Variants in CCDC83 observed in about 807,000 individuals in gnomAD.
The protein encoded by CCDC83 is coiled-coil domain containing 83.
In CCDC83, 54 loss-of-function variants were observed where a neutral mutation model predicts 50.1. The observed-to-expected ratio is 1.08, with a 90% CI of 0.87 to 1.35. CCDC83 has a LOEUF of 1.35. CCDC83 is among the 40% of genes most tolerant of loss of function. CCDC83 has a pLI of 0.00. For synonymous variants in CCDC83, 161 were observed against 153.3 expected (o/e 1.05, Z -0.37); for missense variants, 518 against 473.9 (o/e 1.09, Z -0.86).
chr11:85,875,797 A>T (rs565908864), intron 3 of CCDC83, among the ~76,000 whole-genome samples: 1 of 152,078 alleles, frequency 6.6e-6, no homozygotes, highest in African/African-American at 2.4e-5. Context: ...CCTACACATC[A>T]TCTCTTCCTA....
intron 6 of CCDC83, among the ~76,000 whole-genome samples, chr11:85,897,666 C>T (rs972938641): frequency 6.6e-6 from 1 of 152,168 alleles, no homozygotes; most frequent in Admixed American, 6.5e-5. Context: ...TTAGTGAATC[C>T]AGCCATTAGC....
chr11:85,897,124 G>A (rs751305733), intron 6 of CCDC83, among the ~76,000 whole-genome samples: 2 of 152,154 alleles, frequency 1.3e-5, no homozygotes, highest in South Asian at 2.1e-4. Flanking sequence ...ATAGTTAGAC[G>A]ATTCAAAGTA....
intron 8 of CCDC83, among the ~76,000 whole-genome samples, chr11:85,913,829 A>G (rs1203254821): frequency 6.6e-6 from 1 of 152,230 alleles, no homozygotes; most frequent in Admixed American, 6.5e-5. Flanking sequence ...AACACCTACA[A>G]ATCTAACACT....
Position 85,919,417 on chromosome 11 carries a change from T to C in CCDC83, c.1149T>C (p.His383=), listed in dbSNP as rs376453095. The change falls in exon 11 of 11, where the codon CAT becomes CAC. Residue 383 remains histidine, a synonymous_variant. Transcript: ENST00000342404. Reference sequence around the variant, plus strand: ...TGGAGAGCAAGAAAATGCCCATTCATTTTCAAGAGAAGGAAATTCCAGTCA... The same window carrying C: ...TGGAGAGCAAGAAAATGCCCATTCACTTTCAAGAGAAGGAAATTCCAGTCA... ...MSVESKKMPI[H]FQEKEIPVKL... The C allele has an allele frequency of 9.9e-6, 16 of 1,613,786 alleles. No homozygotes were observed. Among genetic ancestry groups the C allele is most frequent in the East Asian group, 8.9e-5 (4 of 44,880 alleles).
chr11:85,891,997 C>T (rs2135067728), intron 5 of CCDC83, among the ~76,000 whole-genome samples: 1 of 152,278 alleles, frequency 6.6e-6, no homozygotes, highest in Non-Finnish European at 1.5e-5. Flanking sequence ...TTTCTGCTAG[C>T]TCCTGTTCAG....
intron 10 of CCDC83, 89 bp from the exon 11 acceptor site, chr11:85,919,260 G>A: frequency 8.0e-7 from 1 of 1,243,052 alleles, no homozygotes; most frequent in East Asian, 2.4e-5. Flanking sequence ...GTCAGATAAA[G>A]GCCAACTGTA....
At chr11:85,859,570 A>G (rs1370350154) in intron 1 of CCDC83, among the ~76,000 whole-genome samples, 1 of 152,226 alleles carries the variant, frequency 6.6e-6, no homozygotes, top group African/African-American at 2.4e-5. Context: ...AACAATGGGG[A>G]AAGAACTCCC....
intron 6 of CCDC83, among the ~76,000 whole-genome samples, chr11:85,897,168 C>T (rs1477971893): frequency 6.6e-6 from 1 of 152,170 alleles, no homozygotes; most frequent in African/African-American, 2.4e-5. Context: ...TAATTTCAAG[C>T]ATATATCGTG....
At chr11:85,878,742 A>C in intron 3 of CCDC83, among the ~76,000 whole-genome samples, 1 of 131,000 alleles carries the variant, frequency 7.6e-6, no homozygotes. Context: ...TTAGTTTTTA[A>C]AGAAACTTGA....
chr11:85,893,500 G>C (rs1005105889), intron 5 of CCDC83, among the ~76,000 whole-genome samples: 1 of 152,146 alleles, frequency 6.6e-6, no homozygotes, highest in African/African-American at 2.4e-5. Flanking sequence ...TTTTCCCTTT[G>C]AAACAACGCC....
chr11:85,898,886 A>T, intron 6 of CCDC83, 61 bp from the exon 7 acceptor site: 1 of 1,076,864 alleles, frequency 9.3e-7, no homozygotes, highest in Non-Finnish European at 1.4e-6. Flanking sequence ...GCACATCACT[A>T]TTGCTAAAAT....
At chr11:85,865,742 G>A (rs968041287) in intron 2 of CCDC83, among the ~76,000 whole-genome samples, 2 of 152,072 alleles carry the variant, frequency 1.3e-5, no homozygotes, top group Admixed American at 6.6e-5. Flanking sequence ...CCAAAAATTA[G>A]TCGGGCATGG....
At chr11:85,916,330 A>T in intron 10 of CCDC83, 97 bp downstream of exon 10, 1 of 920,194 alleles carries the variant, frequency 1.1e-6, no homozygotes, top group Non-Finnish European at 1.7e-6. Flanking sequence ...ATGGATATTG[A>T]AAATTCCATT....
At chr11:85,885,529 T>C (rs12363624) in intron 4 of CCDC83, among the ~76,000 whole-genome samples, 10,671 of 152,306 alleles carry the variant, frequency 0.07, 450 homozygotes, top group South Asian at 0.095. Flanking sequence ...CAACATGATA[T>C]TCGGCCTAAA....
intron 2 of CCDC83, among the ~76,000 whole-genome samples, chr11:85,872,340 C>T (rs1439567334): frequency 6.6e-6 from 1 of 151,884 alleles, no homozygotes; most frequent in Non-Finnish European, 1.5e-5. Context: ...GAAAAATTAG[C>T]CGGGTGTGGG....
chr11:85,900,844 C>G (rs34479908), intron 7 of CCDC83, among the ~76,000 whole-genome samples: 2,032 of 152,144 alleles, frequency 0.013, 22 homozygotes, highest in Non-Finnish European at 0.023. Context: ...GAGGGCAGAT[C>G]GCTTGAGGCC....
intron 5 of CCDC83, among the ~76,000 whole-genome samples, chr11:85,887,017 T>C (rs2093330364): frequency 6.6e-6 from 1 of 152,000 alleles, no homozygotes; most frequent in Admixed American, 6.6e-5. Flanking sequence ...CCAGGTTATA[T>C]TAGAAAGAGA....
chr11:85,907,053 A>G (rs1290811367), intron 7 of CCDC83, among the ~76,000 whole-genome samples: 1 of 152,194 alleles, frequency 6.6e-6, no homozygotes, highest in African/African-American at 2.4e-5. Flanking sequence ...ACAAGAATTG[A>G]AAATTGCCTG....
chr11:85,916,032 G>T lies in CCDC83; in HGVS notation c.879G>T (p.Glu293Asp). 6.3e-7 allele frequency: 1 copy of T among 1,599,516 alleles called. No individual in the cohort carries two copies. The highest frequency in any genetic ancestry group is 8.5e-7 in the Non-Finnish European group (1 of 1,169,724). The change falls in exon 10 of 11, where the codon GAG becomes GAT. Residue 293 changes from glutamate (E) to aspartate (D), a missense_variant. Glu to Asp is a conservative substitution (Grantham distance 45). Transcript: ENST00000342404. ...ATTCCTTTGTATTTATCCAAGAAGA[G>T]AAGTCAGAATTGCAACCCACAGAAG... is the stretch of plus-strand genomic sequence containing the variant. ...SLELPETHIE[E>D]KSELQPTEVE... is the part of the protein sequence containing the mutation.
Sources: gnomAD v4.1 joint callset for allele counts (sites outside exome capture counted in the v4.1 genomes callset) on GRCh38, gnomAD v4.1.1 for gene constraint, MANE v1.5 for transcripts, NCBI Gene and HGNC (gene_info 2026-07-23, HGNC 2026-07-21) for gene names.